The following SKAP1 variants were observed in gnomAD, a reference collection of about 807,000 sequenced individuals.
SKAP1 encodes src kinase associated phosphoprotein 1, also known as src kinase-associated phosphoprotein 1.
Under a neutral mutation model 58.5 loss-of-function variants are expected in SKAP1, and 44 were observed. The observed-to-expected ratio is 0.75, with a 90% CI of 0.59 to 0.97. SKAP1 has a LOEUF of 0.97. Ranked by LOEUF, SKAP1 falls within the 50% of genes least tolerant of loss-of-function variation. The probability of loss-of-function intolerance (pLI) is 0.00; values close to 1 mark genes in which losing one functional copy is unlikely to be tolerated. For synonymous variants in SKAP1, 127 were observed against 149.7 expected, an observed-to-expected ratio of 0.85 and a Z score of 1.11; for missense variants, 390 against 435.2, an observed-to-expected ratio of 0.90 and a Z score of 0.92.
intron 4 of SKAP1, among the ~76,000 whole-genome samples, chr17:48,205,015 T>TTCTTTC (rs751542564): frequency 2.5e-4 from 14 of 55,730 alleles, no homozygotes; most frequent in African/African-American, 4.4e-4. Context: ...CTTTCTTTCT[T>TTCTTTC]TTTCTTTCTT....
intron 2 of SKAP1, among the ~76,000 whole-genome samples, chr17:48,392,769 A>G (rs1229976118): frequency 2.0e-5 from 3 of 152,116 alleles, no homozygotes; most frequent in South Asian, 2.1e-4. Context: ...CTGAGGCACA[A>G]GAATCGCCAG....
At chr17:48,402,492 G>T (rs1329423339) in intron 1 of SKAP1, among the ~76,000 whole-genome samples, 1 of 152,100 alleles carries the variant, frequency 6.6e-6, no homozygotes, top group African/African-American at 2.4e-5. Context: ...ACCATGCTGG[G>T]TTAATTTTTG....
At chr17:48,400,520 G>A (rs1319564085) in intron 1 of SKAP1, among the ~76,000 whole-genome samples, 2 of 152,036 alleles carry the variant, frequency 1.3e-5, no homozygotes, top group East Asian at 1.9e-4. Context: ...TCAGCACTTC[G>A]GGAGGCCAAG....
chr17:48,283,021 A>C (rs987928365), intron 4 of SKAP1, among the ~76,000 whole-genome samples: 7 of 152,224 alleles, frequency 4.6e-5, no homozygotes, highest in African/African-American at 1.2e-4. Context: ...AGTTAAGAAG[A>C]TGTTTGGGAG....
At chr17:48,174,917 A>G (rs1252556698) in intron 9 of SKAP1, among the ~76,000 whole-genome samples, 2 of 152,232 alleles carry the variant, frequency 1.3e-5, no homozygotes, top group African/African-American at 2.4e-5. Context: ...ATCCCCAAAT[A>G]TCTCATCTCA....
At chr17:48,173,849 C>A (rs1338596296) in intron 9 of SKAP1, among the ~76,000 whole-genome samples, 1 of 152,162 alleles carries the variant, frequency 6.6e-6, no homozygotes, top group African/African-American at 2.4e-5. Flanking sequence ...AAGATCTTTT[C>A]TAAATAAATC....
intron 4 of SKAP1, among the ~76,000 whole-genome samples, chr17:48,279,968 G>A (rs886658457): frequency 6.6e-6 from 1 of 152,086 alleles, no homozygotes; most frequent in Non-Finnish European, 1.5e-5. Flanking sequence ...TTGTCATACA[G>A]TTTTATCAGA....
At chr17:48,377,933 C>G (rs2067170895) in intron 2 of SKAP1, among the ~76,000 whole-genome samples, 1 of 152,208 alleles carries the variant, frequency 6.6e-6, no homozygotes, top group African/African-American at 2.4e-5. Flanking sequence ...CTTTGTCCCA[C>G]AGGTCCCAAA....
At chr17:48,371,574 T>C (rs1407129740) in intron 2 of SKAP1, among the ~76,000 whole-genome samples, 1 of 141,380 alleles carries the variant, frequency 7.1e-6, no homozygotes, top group East Asian at 2.1e-4. Flanking sequence ...CCCAGCACTT[T>C]GGGAGGCCAA....
chr17:48,166,541 G>A (rs1275491795), intron 10 of SKAP1, among the ~76,000 whole-genome samples: 1 of 152,236 alleles, frequency 6.6e-6, no homozygotes, highest in Admixed American at 6.5e-5. Context: ...TTCAGCTTAT[G>A]TTTGGGAGTC....
chr17:48,415,457 TA>T (rs1286370991), intron 1 of SKAP1, among the ~76,000 whole-genome samples: 1 of 152,188 alleles, frequency 6.6e-6, no homozygotes, highest in African/African-American at 2.4e-5. Flanking sequence ...TTGGTGATTT[TA>T]TTCTCGTTTT....
chr17:48,319,596 G>C lies in SKAP1; in HGVS notation c.280+26309C>G, dbSNP rs556608805. Among the ~76,000 whole-genome samples the C allele has an allele frequency of 1.3e-4, 20 of 152,284 alleles. No individual in the cohort carries two copies. The South Asian group carries it at 2.5e-3, about 19-fold the overall frequency. On this transcript the variant is annotated intron_variant, in intron 4 of 12. Coordinates refer to ENST00000336915, the MANE Select transcript of SKAP1 (RefSeq NM_003726.4). ...GTGGTGGCACACACCTGTAATCCCA[G>C]CACCTTGGGAGGCCAAGGTGGGTGG... is the stretch of plus-strand genomic sequence containing the variant.
At chr17:48,365,103 CA>C (rs1439264102) in intron 2 of SKAP1, among the ~76,000 whole-genome samples, 3 of 150,392 alleles carry the variant, frequency 2.0e-5, no homozygotes, top group African/African-American at 7.4e-5. Context: ...GACTGAAAAA[CA>C]GTTACTGTTT....
intron 10 of SKAP1, among the ~76,000 whole-genome samples, chr17:48,167,751 T>C (rs2064158994): frequency 6.6e-6 from 1 of 152,114 alleles, no homozygotes; most frequent in Admixed American, 6.5e-5. Context: ...TATCTAAGGA[T>C]GATTTGTGCC....
chr17:48,379,691 T>G (rs1371808653), intron 2 of SKAP1, among the ~76,000 whole-genome samples: 3 of 151,290 alleles, frequency 2.0e-5, no homozygotes, highest in South Asian at 4.2e-4. Flanking sequence ...TCTTTTTTTT[T>G]TTTTTTTTGA....
chr17:48,348,800 G>A (rs1050449799), intron 3 of SKAP1, among the ~76,000 whole-genome samples: 16 of 152,176 alleles, frequency 1.1e-4, no homozygotes, highest in African/African-American at 3.9e-4. Flanking sequence ...TGATTCCTAT[G>A]GTTTCTGAGT....
At chr17:48,195,687 G>C (rs929118631) in intron 4 of SKAP1, among the ~76,000 whole-genome samples, 1 of 152,142 alleles carries the variant, frequency 6.6e-6, no homozygotes, top group African/African-American at 2.4e-5. Context: ...CTAGGAAACA[G>C]AACATGAGCA....
chr17:48,195,637 G>A (rs998505302), intron 4 of SKAP1, among the ~76,000 whole-genome samples: 2 of 152,284 alleles, frequency 1.3e-5, no homozygotes, highest in Non-Finnish European at 1.5e-5. Context: ...TGAACACAAC[G>A]TACTTAATCA....
chr17:48,217,323 C>T (rs1444048836), intron 4 of SKAP1, among the ~76,000 whole-genome samples: 2 of 152,102 alleles, frequency 1.3e-5, no homozygotes. Flanking sequence ...CAAAGATGAA[C>T]AGAAGAGGGG....
Sources: gnomAD v4.1 joint callset for allele counts (sites outside exome capture counted in the v4.1 genomes callset) on GRCh38, gnomAD v4.1.1 for gene constraint, MANE v1.5 for transcripts, NCBI Gene and HGNC (gene_info 2026-07-23, HGNC 2026-07-21) for gene names.